ADCY3: variants seen among roughly 807,000 people sequenced by gnomAD.
The protein encoded by ADCY3 is adenylate cyclase 3.
A neutral mutation model predicts 119.4 loss-of-function variants in ADCY3; 70 were observed. The observed-to-expected ratio is 0.59, with a 90% CI of 0.48 to 0.72. ADCY3 has a LOEUF of 0.72. Ranked by LOEUF, ADCY3 falls within the 30% of genes least tolerant of loss-of-function variation. ADCY3 has a pLI of 0.00. For missense variants in ADCY3, 1,238 were observed against 1,541.6 expected (o/e 0.80, Z 3.30); for synonymous variants, 672 against 621.4 (o/e 1.08, Z -1.21).
intron 3 of ADCY3, among the ~76,000 whole-genome samples, chr2:24,849,005 C>T (rs986797975): frequency 1.4e-4 from 22 of 152,084 alleles, no homozygotes; most frequent in African/African-American, 2.7e-4. Context: ...GTGAGGAGGG[C>T]GCAGATGTGT....
At chr2:24,833,231 C>A (rs1423828538) in intron 11 of ADCY3, among the ~76,000 whole-genome samples, 2 of 152,222 alleles carry the variant, frequency 1.3e-5, no homozygotes, top group Admixed American at 6.5e-5. Context: ...AGAGTGGAAG[C>A]TGGCACCCTG....
At chr2:24,897,313 C>T (rs577771725) in intron 2 of ADCY3, among the ~76,000 whole-genome samples, 1 of 151,922 alleles carries the variant, frequency 6.6e-6, no homozygotes, top group South Asian at 2.1e-4. Flanking sequence ...CTCTCCCTCT[C>T]TCTTTCTGGG....
intron 7 of ADCY3, 43 bp from the exon 8 acceptor site, chr2:24,838,665 G>A: frequency 1.2e-6 from 2 of 1,609,568 alleles, no homozygotes; most frequent in South Asian, 1.1e-5. Context: ...GCCAGAGGTG[G>A]CCCTCACACC....
intron 19 of ADCY3, 30 bp downstream of exon 19, chr2:24,822,481 C>T (rs776942776): frequency 6.2e-7 from 1 of 1,608,988 alleles, no homozygotes; most frequent in Non-Finnish European, 8.5e-7. Flanking sequence ...GGGGCAGAGC[C>T]TCATCTCTCT....
intron 3 of ADCY3, among the ~76,000 whole-genome samples, chr2:24,853,532 C>T (rs545607510): frequency 8.7e-5 from 12 of 138,512 alleles, no homozygotes; most frequent in Admixed American, 1.6e-4. Context: ...TGCAATGGTG[C>T]GACCTCGGCT....
At position 24,902,086 on chromosome 2, in the gene ADCY3, T is replaced by G. The variant is rs533641709; in HGVS notation, c.675+16227A>C. 1.2e-4 allele frequency among the ~76,000 whole-genome samples: 18 copies of G among 147,114 alleles called. 1 individual carries two copies. The South Asian group carries it at 2.4e-3, about 19-fold the overall frequency. On this transcript the variant is annotated intron_variant, in intron 2 of 21. Coordinates refer to ENST00000679454, the MANE Select transcript of ADCY3 (RefSeq NM_004036.5). ...TGTGTGTGTGTGTGTATTTGGTTTT[T>G]TTTTTTTTTTTTGAGACAGGGTCTC...
At chr2:24,868,262 C>T (rs151267542) in intron 3 of ADCY3, among the ~76,000 whole-genome samples, 103 of 152,214 alleles carry the variant, frequency 6.8e-4, no homozygotes, top group African/African-American at 2.2e-3. Flanking sequence ...TTAAATTAAA[C>T]GACACTGAAA....
intron 7 of ADCY3, 160 bp from the exon 8 acceptor site, chr2:24,838,782 G>A: frequency 6.3e-7 from 1 of 1,593,454 alleles, no homozygotes; most frequent in Non-Finnish European, 8.6e-7. Context: ...CCACTAACTA[G>A]CTGTGTGGGC....
chr2:24,909,706 A>T (rs1046801262), intron 2 of ADCY3, among the ~76,000 whole-genome samples: 4 of 152,180 alleles, frequency 2.6e-5, no homozygotes, highest in African/African-American at 7.2e-5. Context: ...GTGGTCACAG[A>T]GTATTTTGGA....
At chr2:24,897,074 T>C (rs1470381605) in intron 2 of ADCY3, among the ~76,000 whole-genome samples, 1 of 152,144 alleles carries the variant, frequency 6.6e-6, no homozygotes, top group Non-Finnish European at 1.5e-5. Context: ...AGAAGTCTCA[T>C]CATCTTTTCG....
chr2:24,834,417 G>T lies in ADCY3; in HGVS notation c.1967+68C>A. 1 of 1,395,348 alleles carries T rather than the reference G, an allele frequency of 7.2e-7. No individual in the cohort carries two copies. Among genetic ancestry groups the T allele is most frequent in the Non-Finnish European group, 9.7e-7 (1 of 1,029,074 alleles). 86.4% of individuals were successfully genotyped at this position (1,395,348 alleles called of 1,614,324 possible). On this transcript the variant is annotated intron_variant, in intron 11 of 21. Transcript: ENST00000679454. This position sits in a 1 kb window ranked among gnomAD's most constrained non-coding sequence, Gnocchi z 4.2. ...ATGTCAGGCTCCCGCTGAGACACCT[G>T]CCCCCGCCCCCCGCCCGGCACCACC...
Position 24,918,466 on chromosome 2 carries a change from G to A in ADCY3, c.522C>T (p.Phe174=). 6.2e-7 allele frequency: 1 copy of A among 1,614,052 alleles called. No individual in the cohort carries two copies. The highest frequency in any genetic ancestry group is 8.5e-7 in the Non-Finnish European group (1 of 1,180,032). ...AASDTVGWQV[F]FVFSFFITLP... ...GCGTGATGAAGAAGGAGAAGACAAA[G>A]AAGACCTGCCAGCCCACCGTGTCAC... Residue 174 remains phenylalanine (F), a synonymous_variant, in exon 2 of 22, where the codon TTC becomes TTT. Coordinates refer to ENST00000679454, the MANE Select transcript of ADCY3 (RefSeq NM_004036.5). This position sits in a 1 kb window ranked among gnomAD's most constrained non-coding sequence, Gnocchi z 5.4.
At chr2:24,840,260 AT>A (rs2148563573) in intron 6 of ADCY3, among the ~76,000 whole-genome samples, 1 of 152,312 alleles carries the variant, frequency 6.6e-6, no homozygotes, top group Non-Finnish European at 1.5e-5. Flanking sequence ...TTTCCTCCCT[AT>A]CCCCACTTCC....
intron 3 of ADCY3, among the ~76,000 whole-genome samples, chr2:24,860,828 G>A (rs1673541382): frequency 6.6e-6 from 1 of 152,122 alleles, no homozygotes; most frequent in South Asian, 2.1e-4. Flanking sequence ...GCGGGCTCAG[G>A]TCACCAGCGC....
chr2:24,912,952 C>T (rs150335593), intron 2 of ADCY3, among the ~76,000 whole-genome samples: 44 of 152,302 alleles, frequency 2.9e-4, no homozygotes, highest in African/African-American at 8.7e-4. Flanking sequence ...GATTATTCCT[C>T]CTCACATGCA....
rs527740765 is a variant in ADCY3, at chr2:24,830,718, G to A, written c.2163C>T (p.Val721=). 17 of 1,613,732 alleles carry A rather than the reference G, an allele frequency of 1.1e-5. No homozygotes were observed. Among genetic ancestry groups the A allele is most frequent in the South Asian group, 7.7e-5 (7 of 90,990 alleles). Reference sequence around the variant, plus strand: ...GACAGCAGGAGCTCACCATGTCCACGACATTTGCCATCACCAGGATGAAGA... The same window carrying A: ...GACAGCAGGAGCTCACCATGTCCACAACATTTGCCATCACCAGGATGAAGA... ...LAIFILVMAN[V]VDMLSCLQYY... is the part of the protein sequence containing the mutation. The change falls in exon 13 of 22, where the codon GTC becomes GTT. Residue 721 remains valine, a synonymous_variant. Transcript: ENST00000679454.
intron 3 of ADCY3, among the ~76,000 whole-genome samples, chr2:24,867,533 A>C (rs1674447483): frequency 6.6e-6 from 1 of 152,212 alleles, no homozygotes; most frequent in Non-Finnish European, 1.5e-5. Flanking sequence ...TAGAACTGTA[A>C]GTAGTAAATT....
At position 24,837,020 on chromosome 2, in the gene ADCY3, G is replaced by A. The variant is rs766465249; in HGVS notation, c.1559C>T (p.Ser520Phe). ...GSALPNGAPA[S>F]SKSSSPALIE... ...GAGGGCAGGGGAGCTGGACTTTGAG[G>A]AAGCTGGTGCTCCATTGGGCAGGGC... is the stretch of plus-strand genomic sequence containing the variant. The change falls in exon 9 of 22, where the codon TCC (serine) becomes TTC (phenylalanine). Residue 520 changes from serine to phenylalanine, a missense_variant. Ser to Phe is a radical substitution (Grantham distance 155, BLOSUM62 -2). Around this residue, in one of 7 missense-constraint regions of ADCY3, gnomAD observed 499 missense variants for 571.0 expected, o/e 0.87. Transcript: ENST00000679454. 6.2e-7 allele frequency: 1 copy of A among 1,614,116 alleles called. No individual in the cohort carries two copies. The highest frequency in any genetic ancestry group is 8.5e-7 in the Non-Finnish European group (1 of 1,180,008).
At position 24,842,199 on chromosome 2, in the gene ADCY3, T is replaced by G; in HGVS notation, c.956+55A>C. 1 of 1,609,552 alleles carries G rather than the reference T, an allele frequency of 6.2e-7. No individual in the cohort carries two copies. The highest frequency in any genetic ancestry group is 1.7e-5 in the Admixed American group (1 of 59,986). On this transcript the variant is annotated intron_variant, in intron 4 of 21. Transcript: ENST00000679454. The surrounding 1 kb of genome is among the most constrained non-coding windows in gnomAD (Gnocchi z 4.9). ...CAGCACCTAGCGGGTCCCACAAAGA[T>G]GCAGCCCTCCACAGCCTGCTCTGCC...
Sources: allele counts gnomAD v4.1 joint callset (sites outside exome capture counted in the v4.1 genomes callset), GRCh38; gene constraint gnomAD v4.1.1; regional missense constraint gnomAD v4.1.1; non-coding constraint Gnocchi (gnomAD v3.1); transcripts MANE v1.5; gene names NCBI Gene and HGNC (gene_info 2026-07-23, HGNC 2026-07-21).